CNTN5: variants seen among roughly 807,000 people sequenced by gnomAD.
The protein encoded by CNTN5 is contactin-5.
A neutral mutation model predicts 129.1 loss-of-function variants in CNTN5; 77 were observed. The observed-to-expected ratio is 0.60, with a 90% CI of 0.50 to 0.72. CNTN5 has a LOEUF of 0.72. Among genes scored for constraint, CNTN5 ranks in the 30% least tolerant of loss-of-function variants. CNTN5 has a pLI of 0.00. For synonymous variants in CNTN5, 509 were observed against 465.6 expected (o/e 1.09, Z -1.20); for missense variants, 1,478 against 1,328.8 (o/e 1.11, Z -1.75).
intron 1 of CNTN5, among the ~76,000 whole-genome samples, chr11:99,211,133 A>T (rs1859757523): frequency 1.3e-5 from 2 of 152,072 alleles, no homozygotes; most frequent in South Asian, 4.1e-4. Flanking sequence ...TTACCAAGAT[A>T]TGATCGTAAA....
chr11:99,838,999 T>C (rs572539095), intron 4 of CNTN5, among the ~76,000 whole-genome samples: 18 of 152,128 alleles, frequency 1.2e-4, no homozygotes, highest in Admixed American at 3.9e-4. Context: ...CTAACCCAAG[T>C]AGGTTTGGAA....
At chr11:100,017,603 C>A (rs1001333991) in intron 9 of CNTN5, among the ~76,000 whole-genome samples, 1 of 151,964 alleles carries the variant, frequency 6.6e-6, no homozygotes, top group African/African-American at 2.4e-5. Flanking sequence ...TGTACTTCCT[C>A]CATCTATGTG....
chr11:99,750,634 G>C (rs1005203782), intron 3 of CNTN5, among the ~76,000 whole-genome samples: 1 of 151,890 alleles, frequency 6.6e-6, no homozygotes, highest in African/African-American at 2.4e-5. Flanking sequence ...CAGAGTAAAT[G>C]TTGCCAGAAT....
intron 4 of CNTN5, chr11:99,844,553 C>A (rs1468143023): frequency 2.7e-6 from 1 of 377,058 alleles, no homozygotes; most frequent in Non-Finnish European, 4.9e-6. Context: ...ATATTATTAT[C>A]CTTCAGTCTG....
chr11:99,432,464 C>CTTTTCTTTTCTTTT lies in CNTN5; in HGVS notation c.-71+106980_-71+106981insTTTTCTTTTCTTTT, dbSNP rs1555143589. 3.8e-3 allele frequency among the ~76,000 whole-genome samples: 441 copies of CTTTTCTTTTCTTTT among 116,412 alleles called. 3 individuals carry two copies. The highest frequency in any genetic ancestry group is 9.2e-3 in the Middle Eastern group (2 of 218). The allele number at this position is 116,412 out of a possible 152,430, so 76.4% of individuals were successfully genotyped here. A position where few individuals can be genotyped will look rare whatever the true frequency, so the allele number is the denominator to read the frequency against. On this transcript the variant is annotated intron_variant, in intron 2 of 24. Transcript: ENST00000524871. ...CCTTTTCTTTTCTTTTCTTTTCTTT[C>CTTTTCTTTTCTTTT]CTTTTCTTTTCTTTTCTTTTCTTTT...
intron 3 of CNTN5, among the ~76,000 whole-genome samples, chr11:99,560,268 G>GTATTAT (rs35741733): frequency 0.091 from 12,864 of 141,854 alleles, 682 homozygotes; most frequent in East Asian, 0.24. Flanking sequence ...GAATCTAACT[G>GTATTAT]TATTATTATT....
intron 3 of CNTN5, among the ~76,000 whole-genome samples, chr11:99,809,821 T>C (rs1050878010): frequency 1.3e-5 from 2 of 152,184 alleles, no homozygotes; most frequent in Non-Finnish European, 2.9e-5. Context: ...AAATACTGTC[T>C]GATCTATCTT....
At chr11:100,279,702 T>C (rs73563763) in intron 18 of CNTN5, among the ~76,000 whole-genome samples, 3,796 of 151,892 alleles carry the variant, frequency 0.025, 181 homozygotes, top group African/African-American at 0.086. Flanking sequence ...ACTCTCTTTT[T>C]TTCTTAGTCT....
chr11:99,786,709 C>T (rs1945538503), intron 3 of CNTN5, among the ~76,000 whole-genome samples: 1 of 152,158 alleles, frequency 6.6e-6, no homozygotes, highest in African/African-American at 2.4e-5. Flanking sequence ...TACACATCTA[C>T]AACCATCTGA....
chr11:99,228,735 T>A (rs1203027991), intron 1 of CNTN5, among the ~76,000 whole-genome samples: 1 of 152,076 alleles, frequency 6.6e-6, no homozygotes, highest in African/African-American at 2.4e-5. Flanking sequence ...CATATGCTAT[T>A]TAAATTGTTT....
intron 18 of CNTN5, among the ~76,000 whole-genome samples, chr11:100,277,275 C>T (rs144875076): frequency 1.3e-5 from 2 of 152,162 alleles, no homozygotes; most frequent in Non-Finnish European, 2.9e-5. Flanking sequence ...AATATTACTG[C>T]AATAAATGTG....
chr11:99,895,132 A>G (rs1027706153), intron 6 of CNTN5, among the ~76,000 whole-genome samples: 1 of 152,216 alleles, frequency 6.6e-6, no homozygotes, highest in African/African-American at 2.4e-5. Context: ...GCATCAGATA[A>G]TAGAATTGTG....
intron 1 of CNTN5, among the ~76,000 whole-genome samples, chr11:99,104,395 G>T (rs1591195739): frequency 1.3e-5 from 2 of 152,036 alleles, no homozygotes; most frequent in South Asian, 2.1e-4. Context: ...GACCAAAGCG[G>T]GTGTAGCATT....
At chr11:99,666,518 G>C (rs1370679290) in intron 3 of CNTN5, among the ~76,000 whole-genome samples, 1 of 152,030 alleles carries the variant, frequency 6.6e-6, no homozygotes, top group Non-Finnish European at 1.5e-5. Context: ...TTTATGTCTG[G>C]GAAACCAAGA....
At chr11:100,200,131 C>T (rs561113128) in intron 15 of CNTN5, among the ~76,000 whole-genome samples, 2 of 152,014 alleles carry the variant, frequency 1.3e-5, no homozygotes, top group South Asian at 4.1e-4. Flanking sequence ...CTTGATGACA[C>T]CTAAGACAGT....
chr11:99,412,645 C>T (rs2135016282), intron 2 of CNTN5, among the ~76,000 whole-genome samples: 1 of 152,278 alleles, frequency 6.6e-6, no homozygotes, highest in South Asian at 2.1e-4. Context: ...TCCTGTTTCA[C>T]AGAGAAGGAA....
chr11:99,190,179 C>G (rs1858564813), intron 1 of CNTN5, among the ~76,000 whole-genome samples: 1 of 151,626 alleles, frequency 6.6e-6, no homozygotes, highest in East Asian at 1.9e-4. Flanking sequence ...ACTGTTGGCA[C>G]CTTTGTCAAA....
intron 1 of CNTN5, among the ~76,000 whole-genome samples, chr11:99,287,570 A>C (rs1863990864): frequency 6.6e-6 from 1 of 152,078 alleles, no homozygotes. Flanking sequence ...CTACAAGTGG[A>C]TTATATGAGA....
At chr11:99,682,520 A>G (rs1953602681) in intron 3 of CNTN5, among the ~76,000 whole-genome samples, 1 of 151,998 alleles carries the variant, frequency 6.6e-6, no homozygotes, top group Admixed American at 6.6e-5. Flanking sequence ...TACCAAAGTA[A>G]TTTTTTAAAA....
Sources: allele counts gnomAD v4.1 joint callset (sites outside exome capture counted in the v4.1 genomes callset), GRCh38; gene constraint gnomAD v4.1.1; transcripts MANE v1.5; gene names NCBI Gene and HGNC (gene_info 2026-07-23, HGNC 2026-07-21).